Variants in TRPM6 observed in about 807,000 individuals in gnomAD.
TRPM6 encodes transient receptor potential cation channel subfamily M member 6.
TRPM6 carries 111 observed loss-of-function variants against 247.6 expected under a neutral mutation model. The observed-to-expected ratio is 0.45, with a 90% CI of 0.38 to 0.52. TRPM6 has a LOEUF of 0.52. Ranked by LOEUF, TRPM6 falls within the 20% of genes least tolerant of loss-of-function variation. The pLI is 0.00. For synonymous variants in TRPM6, 892 were observed against 853.8 expected (o/e 1.04, Z -0.78); for missense variants, 2,126 against 2,421.5 (o/e 0.88, Z 2.56).
chr9:74,780,399 A>T (rs1827392707), intron 23 of TRPM6, among the ~76,000 whole-genome samples: 1 of 151,622 alleles, frequency 6.6e-6, no homozygotes, highest in Non-Finnish European at 1.5e-5. Context: ...GGTTGCAGTG[A>T]GCTGAGATCG....
At chr9:74,769,653 G>A (rs1001296752) in intron 25 of TRPM6, among the ~76,000 whole-genome samples, 7 of 151,990 alleles carry the variant, frequency 4.6e-5, no homozygotes, top group African/African-American at 1.5e-4. Flanking sequence ...AGCTACTCGG[G>A]AGGCTGAGGC....
At chr9:74,744,260 G>T in intron 31 of TRPM6, 115 bp from the exon 32 acceptor site, 2 of 1,163,326 alleles carry the variant, frequency 1.7e-6, no homozygotes, top group Non-Finnish European at 1.3e-6. Context: ...TGGCTTCTCA[G>T]TATTCGAAAA....
At chr9:74,839,451 T>C (rs1829840601) in intron 5 of TRPM6, among the ~76,000 whole-genome samples, 1 of 152,108 alleles carries the variant, frequency 6.6e-6, no homozygotes, top group Non-Finnish European at 1.5e-5. Context: ...AAGTATCTAC[T>C]CATGCCCAAA....
intron 1 of TRPM6, 70 bp from the exon 2 acceptor site, chr9:74,858,818 C>G: frequency 7.8e-7 from 1 of 1,286,668 alleles, no homozygotes. Context: ...GTAGTTCCTG[C>G]AGGTAAGAAA....
chr9:74,730,694 C>T (rs1179979993), intron 37 of TRPM6, among the ~76,000 whole-genome samples: 3 of 152,144 alleles, frequency 2.0e-5, no homozygotes, highest in Non-Finnish European at 4.4e-5. Context: ...GTGATGCTGA[C>T]CTTGTTGGTC....
intron 36 of TRPM6, among the ~76,000 whole-genome samples, chr9:74,734,908 T>C (rs1226086962): frequency 2.0e-5 from 3 of 152,054 alleles, no homozygotes; most frequent in Non-Finnish European, 4.4e-5. Flanking sequence ...GAAGGACCTT[T>C]CAGTGTGTGA....
chr9:74,874,223 G>T (rs1831119620), intron 1 of TRPM6, among the ~76,000 whole-genome samples: 1 of 143,392 alleles, frequency 7.0e-6, no homozygotes, highest in Admixed American at 7.3e-5. Context: ...GTGACAGAGT[G>T]AGAATCTGTC....
intron 25 of TRPM6, among the ~76,000 whole-genome samples, chr9:74,770,367 C>G (rs971259935): frequency 3.3e-5 from 5 of 152,184 alleles, no homozygotes; most frequent in Admixed American, 1.3e-4. Flanking sequence ...TAACTTCTGT[C>G]AATTTGCTTC....
At chr9:74,820,777 T>C (rs1263963206) in intron 8 of TRPM6, among the ~76,000 whole-genome samples, 1 of 152,170 alleles carries the variant, frequency 6.6e-6, no homozygotes, top group African/African-American at 2.4e-5. Context: ...GAGAATGGGT[T>C]GATCTGCCAC....
rs76692977 is a variant in TRPM6, at chr9:74,747,697, C to T, written c.5083+192G>A. 2.1e-3 allele frequency among the ~76,000 whole-genome samples: 320 copies of T among 152,202 alleles called. 1 individual carries two copies. Among genetic ancestry groups the T allele is most frequent in the African/African-American group, 7.5e-3 (311 of 41,522 alleles). On this transcript the variant is annotated intron_variant, in intron 31 of 38. Coordinates refer to ENST00000360774, the MANE Select transcript of TRPM6 (RefSeq NM_017662.5). Reference sequence around the variant, plus strand: ...AAACAGTCATTCAAAAAGTTTTAAACCAGACATCAATCCCAATTTGTCTGA... The same window carrying T: ...AAACAGTCATTCAAAAAGTTTTAAATCAGACATCAATCCCAATTTGTCTGA...
chr9:74,864,450 G>C (rs550065614), intron 1 of TRPM6, among the ~76,000 whole-genome samples: 1 of 152,092 alleles, frequency 6.6e-6, no homozygotes, highest in Non-Finnish European at 1.5e-5. Context: ...ATCCGAGAGG[G>C]GCAGTCTCAG....
chr9:74,790,254 G>A (rs1481098861), intron 19 of TRPM6, among the ~76,000 whole-genome samples: 1 of 152,118 alleles, frequency 6.6e-6, no homozygotes. Context: ...TTAAGGAAGT[G>A]TAGAAGAGAA....
In TRPM6 at chr9:74,812,348, T is replaced by C; in HGVS notation, c.1394A>G (p.Asn465Ser). 1 of 1,612,858 alleles carries C rather than the reference T, an allele frequency of 6.2e-7. No individual in the cohort carries two copies. Residue 465 changes from asparagine to serine, a missense_variant, in exon 12 of 39, where the codon AAC becomes AGC. Coordinates refer to ENST00000360774, the MANE Select transcript of TRPM6 (RefSeq NM_017662.5). ...AGGGATGGTAAGAAAGCGATGGAGGTTCACTCCATATTCTATTAAGAGCTT... is the reference window on the plus strand; with the variant it reads ...AGGGATGGTAAGAAAGCGATGGAGGCTCACTCCATATTCTATTAAGAGCTT... ...FVKLLIEYGV[N>S]LHRFLTIPRL... is the part of the protein sequence containing the mutation.
At chr9:74,858,152 G>C (rs529794622) in intron 2 of TRPM6, among the ~76,000 whole-genome samples, 5 of 152,316 alleles carry the variant, frequency 3.3e-5, no homozygotes, top group African/African-American at 1.2e-4. Flanking sequence ...ACTTTGGGAG[G>C]CCGAGGTGGG....
chr9:74,780,488 C>T (rs1028432931), intron 23 of TRPM6, among the ~76,000 whole-genome samples: 2 of 151,354 alleles, frequency 1.3e-5, no homozygotes, highest in Non-Finnish European at 2.9e-5. Context: ...GAAAAGCCAA[C>T]TCACATGGGG....
At chr9:74,741,503 C>T (rs891208979) in intron 33 of TRPM6, among the ~76,000 whole-genome samples, 26 of 152,160 alleles carry the variant, frequency 1.7e-4, no homozygotes, top group African/African-American at 5.5e-4. Context: ...CACTGAAGAT[C>T]TCTTTGGAGT....
intron 7 of TRPM6, among the ~76,000 whole-genome samples, chr9:74,823,741 A>ATT (rs1829214358): frequency 6.6e-6 from 1 of 152,232 alleles, no homozygotes; most frequent in African/African-American, 2.4e-5. Flanking sequence ...TGGAATAAAA[A>ATT]CACTTGTAAG....
chr9:74,862,302 G>A (rs1183905185), intron 1 of TRPM6, among the ~76,000 whole-genome samples: 3 of 152,176 alleles, frequency 2.0e-5, no homozygotes, highest in African/African-American at 7.2e-5. Flanking sequence ...AAGTGTGCTA[G>A]CTTCTGCCAC....
chr9:74,762,796 G>T lies in TRPM6; in HGVS notation c.3875C>A (p.Pro1292His), dbSNP rs1234858488. The change falls in exon 26 of 39, where the codon CCC becomes CAC. Residue 1292 changes from proline (P) to histidine (H), a missense_variant. Transcript: ENST00000360774. ...AAGTGCCCCCCTCTGCACTCTTGGG[G>T]GATGCCGGCCTCCAGCCAGGCTCCT... is the stretch of plus-strand genomic sequence containing the variant. ...LLRSLAGGRH[P>H]PRVQRGALLE... 2.5e-6 allele frequency: 4 copies of T among 1,614,130 alleles called. No individual in the cohort carries two copies. Among genetic ancestry groups the T allele is most frequent in the Middle Eastern group, 1.6e-4 (1 of 6,062 alleles).
Sources: gnomAD v4.1 joint callset for allele counts (sites outside exome capture counted in the v4.1 genomes callset) on GRCh38, gnomAD v4.1.1 for gene constraint, MANE v1.5 for transcripts, NCBI Gene and HGNC (gene_info 2026-07-23, HGNC 2026-07-21) for gene names.